Variants in TRPM6 observed in about 807,000 individuals in gnomAD.
TRPM6 encodes the protein channel kinase 2.
A neutral mutation model predicts 247.6 loss-of-function variants in TRPM6; 111 were observed. The observed-to-expected ratio is 0.45, with a 90% CI of 0.38 to 0.52. The LOEUF is 0.52. Ranked by LOEUF, TRPM6 falls within the 20% of genes least tolerant of loss-of-function variation. The pLI, the probability that TRPM6 is intolerant of heterozygous loss-of-function variation, is 0.00. For synonymous variants in TRPM6, 892 were observed against 853.8 expected (o/e 1.04, Z -0.78); for missense variants, 2,126 against 2,421.5 (o/e 0.88, Z 2.56).
chr9:74,750,627 C>T (rs1359545073), intron 30 of TRPM6, 37 bp downstream of exon 30: 1 of 1,598,956 alleles, frequency 6.3e-7, no homozygotes, highest in South Asian at 1.1e-5. Context: ...AAATGGAAGC[C>T]AAAGATTCTT....
At chr9:74,871,060 T>C (rs1165318259) in intron 1 of TRPM6, among the ~76,000 whole-genome samples, 1 of 152,192 alleles carries the variant, frequency 6.6e-6, no homozygotes, top group East Asian at 1.9e-4. Flanking sequence ...AATTGCCACA[T>C]AGCAAAAAAC....
In TRPM6 at chr9:74,724,818, T is replaced by G. The variant is rs533922127; in HGVS notation, c.5936-72A>C. 109 of 1,597,812 alleles carry G rather than the reference T, an allele frequency of 6.8e-5. No individual in the cohort carries two copies. The East Asian group carries it at 2.4e-3, about 35-fold the overall frequency. The stretch of plus-strand genomic sequence containing the variant: ...TACTGTTCATGAAGACAAATGGGAC[T>G]TTAGGCTTTGCCAAGTGTTCAGAGA... On this transcript the variant is annotated intron_variant, in intron 38 of 38. Transcript: ENST00000360774.
chr9:74,832,690 G>T (rs969830850), intron 6 of TRPM6, among the ~76,000 whole-genome samples: 1 of 152,194 alleles, frequency 6.6e-6, no homozygotes, highest in Admixed American at 6.5e-5. Context: ...CTGGAGATAG[G>T]TACATAGAAA....
At chr9:74,887,596 G>A in intron 1 of TRPM6, 2 of 1,527,058 alleles carry the variant, frequency 1.3e-6, no homozygotes, top group Non-Finnish European at 1.8e-6. Context: ...TTGAAACGGG[G>A]GCTGCGGGAC....
intron 4 of TRPM6, among the ~76,000 whole-genome samples, chr9:74,840,828 C>CAAAA (rs371038378): frequency 4.6e-5 from 5 of 108,012 alleles, no homozygotes; most frequent in East Asian, 2.3e-4. Flanking sequence ...GACTCTGTCT[C>CAAAA]AAAAAAAAAA....
intron 3 of TRPM6, among the ~76,000 whole-genome samples, chr9:74,843,776 C>T (rs1052316914): frequency 2.7e-5 from 4 of 145,746 alleles, no homozygotes; most frequent in Admixed American, 7.0e-5. Context: ...GATAGTGCCA[C>T]TGCACTTCAG....
chr9:74,851,759 A>ATATAT (rs375349333), intron 3 of TRPM6, among the ~76,000 whole-genome samples: 1 of 114,140 alleles, frequency 8.8e-6, no homozygotes, highest in African/African-American at 2.7e-5. Flanking sequence ...AAAAAAAAAA[A>ATATAT]AAAAATATAT....
intron 38 of TRPM6, among the ~76,000 whole-genome samples, chr9:74,726,418 G>C (rs998066849): frequency 1.3e-5 from 2 of 152,162 alleles, no homozygotes; most frequent in Admixed American, 1.3e-4. Context: ...GCTGAGGCAG[G>C]AGAATCACTT....
chr9:74,762,088 T>C lies in TRPM6; in HGVS notation c.4583A>G (p.Asn1528Ser), dbSNP rs772817835. 1.2e-5 allele frequency: 20 copies of C among 1,614,080 alleles called. No individual in the cohort carries two copies. The highest frequency in any genetic ancestry group is 8.9e-5 in the East Asian group (4 of 44,896). Residue 1528 changes from asparagine to serine, a missense_variant, in exon 26 of 39, where the codon AAT becomes AGT. By Grantham distance (46) the Asn-to-Ser change is conservative (BLOSUM62 1). Coordinates refer to ENST00000360774, the MANE Select transcript of TRPM6 (RefSeq NM_017662.5). ...GAAGGGCCTGTATCTGCGGAGAGGA[T>C]TGATCCAAAAGGATGTGTTTGGCTG... ...WLQPNTSFWI[N>S]PLRRYRPFAR...
intron 7 of TRPM6, among the ~76,000 whole-genome samples, chr9:74,825,373 C>T (rs897501190): frequency 2.6e-5 from 4 of 152,056 alleles, no homozygotes; most frequent in African/African-American, 9.7e-5. Context: ...TGGTAGCCAA[C>T]CTCCCTCATA....
intron 7 of TRPM6, among the ~76,000 whole-genome samples, chr9:74,824,641 T>C (rs1829266711): frequency 6.6e-6 from 1 of 150,998 alleles, no homozygotes; most frequent in Non-Finnish European, 1.5e-5. Context: ...TACTGTAAGG[T>C]CCCAGGGTGA....
intron 32 of TRPM6, among the ~76,000 whole-genome samples, chr9:74,743,156 CTT>C (rs1320349714): frequency 6.6e-6 from 1 of 152,184 alleles, no homozygotes; most frequent in Non-Finnish European, 1.5e-5. Flanking sequence ...TCACTAGAGA[CTT>C]TCTTAAGTTG....
At chr9:74,887,794 T>A (rs371487286) in intron 1 of TRPM6, 30 bp downstream of exon 1, 2 of 1,614,108 alleles carry the variant, frequency 1.2e-6, no homozygotes, top group Admixed American at 1.7e-5. Context: ...AAGGTCCTTG[T>A]TCCCCGCCAG....
At chr9:74,801,243 A>ATTTTTTTTTTTTTTTTTTTTTTT (rs59490187) in intron 16 of TRPM6, among the ~76,000 whole-genome samples, 1 of 85,252 alleles carries the variant, frequency 1.2e-5, no homozygotes, top group Non-Finnish European at 2.1e-5. Context: ...AAGCCTGGGA[A>ATTTTTTTTTTTTTTTTTTTTTTT]TTTTTTTTTT....
intron 14 of TRPM6, among the ~76,000 whole-genome samples, chr9:74,807,170 T>G (rs1481737630): frequency 6.6e-6 from 1 of 152,208 alleles, no homozygotes; most frequent in Admixed American, 6.5e-5. Context: ...GTCACTTGAT[T>G]CTTTATAAAG....
chr9:74,848,777 C>T (rs949591500), intron 3 of TRPM6, among the ~76,000 whole-genome samples: 2 of 152,026 alleles, frequency 1.3e-5, no homozygotes, highest in South Asian at 4.1e-4. Context: ...CCATGGACTA[C>T]GTAAGGTGCA....
intron 1 of TRPM6, among the ~76,000 whole-genome samples, chr9:74,877,965 C>G (rs942434015): frequency 6.6e-6 from 1 of 152,066 alleles, no homozygotes; most frequent in Non-Finnish European, 1.5e-5. Flanking sequence ...TCCATCCCAC[C>G]CAGTGCTGGA....
At chr9:74,810,698 T>C (rs1276144934) in intron 13 of TRPM6, 117 bp downstream of exon 13, 7 of 857,158 alleles carry the variant, frequency 8.2e-6, no homozygotes, top group Non-Finnish European at 1.2e-5. Context: ...GTAAAGAAGA[T>C]AGGTAATTAA....
At chr9:74,874,756 T>C (rs1475821760) in intron 1 of TRPM6, among the ~76,000 whole-genome samples, 1 of 144,332 alleles carries the variant, frequency 6.9e-6, no homozygotes, top group Non-Finnish European at 1.5e-5. Context: ...ATTTTGTAAT[T>C]GTATTTTTTT....
Sources: allele counts gnomAD v4.1 joint callset (sites outside exome capture counted in the v4.1 genomes callset), GRCh38; gene constraint gnomAD v4.1.1; transcripts MANE v1.5; gene names NCBI Gene and HGNC (gene_info 2026-07-23, HGNC 2026-07-21).